The following CSPP1 variants were observed in gnomAD, a reference collection of about 807,000 sequenced individuals.
CSPP1 encodes centrosome and spindle pole-associated protein 1.
In CSPP1, 126 loss-of-function variants were observed where a neutral mutation model predicts 164.4. The observed-to-expected ratio is 0.77, with a 90% CI of 0.66 to 0.89. CSPP1 has a LOEUF of 0.89. Ranked by LOEUF, CSPP1 falls within the 40% of genes least tolerant of loss-of-function variation. The probability of loss-of-function intolerance (pLI) is 0.00; values close to 1 mark genes in which losing one functional copy is unlikely to be tolerated. For synonymous variants in CSPP1, 472 were observed against 476.7 expected (o/e 0.99, Z 0.13); for missense variants, 1,395 against 1,449.8 (o/e 0.96, Z 0.61).
chr8:67,140,274 G>T (rs373753368), intron 17 of CSPP1, among the ~76,000 whole-genome samples: 19 of 152,028 alleles, frequency 1.2e-4, no homozygotes, highest in African/African-American at 4.3e-4. Flanking sequence ...TATTAGAGAC[G>T]GGGTTTCACC....
At chr8:67,110,413 CAA>C (rs1816613255) in intron 9 of CSPP1, among the ~76,000 whole-genome samples, 1 of 151,998 alleles carries the variant, frequency 6.6e-6, no homozygotes, top group East Asian at 1.9e-4. Context: ...GAGAGACCAC[CAA>C]GAACATAGCT....
intron 29 of CSPP1, among the ~76,000 whole-genome samples, chr8:67,191,911 AGT>A (rs1836359788): frequency 1.3e-5 from 2 of 152,146 alleles, no homozygotes; most frequent in South Asian, 2.1e-4. Context: ...GCCATCACTT[AGT>A]GTCTTTTGAT....
chr8:67,154,833 G>A (rs1826374766), intron 19 of CSPP1, among the ~76,000 whole-genome samples: 1 of 152,134 alleles, frequency 6.6e-6, no homozygotes, highest in Admixed American at 6.5e-5. Context: ...AGAATGCTGA[G>A]ATTTTAAAAA....
chr8:67,082,705 A>G (rs554385130), intron 3 of CSPP1, among the ~76,000 whole-genome samples: 3 of 152,324 alleles, frequency 2.0e-5, no homozygotes, highest in African/African-American at 7.2e-5. Context: ...ATTATGAAGA[A>G]GTTATATACT....
intron 24 of CSPP1, among the ~76,000 whole-genome samples, chr8:67,167,704 G>A (rs1184315349): frequency 6.6e-6 from 1 of 151,136 alleles, no homozygotes; most frequent in East Asian, 2.0e-4. Context: ...AGATGGGGTG[G>A]CGGGGCAGAG....
chr8:67,091,928 C>T, intron 5 of CSPP1, 45 bp downstream of exon 5: 1 of 723,082 alleles, frequency 1.4e-6, no homozygotes, highest in Non-Finnish European at 2.1e-6. Flanking sequence ...TTTTCCGAGG[C>T]ATCAAAATCA....
chr8:67,189,893 T>C (rs1369360711), intron 28 of CSPP1, among the ~76,000 whole-genome samples: 1 of 152,202 alleles, frequency 6.6e-6, no homozygotes, highest in African/African-American at 2.4e-5. Context: ...TGTAGGCTAT[T>C]TGTCCATGTC....
chr8:67,140,862 TTTG>T (rs1002174657), intron 17 of CSPP1, among the ~76,000 whole-genome samples: 1 of 152,152 alleles, frequency 6.6e-6, no homozygotes, highest in Non-Finnish European at 1.5e-5. Flanking sequence ...AATTGAGGAT[TTTG>T]TTGGGGCCTG....
intron 29 of CSPP1, among the ~76,000 whole-genome samples, chr8:67,191,685 T>A (rs931124843): frequency 6.6e-6 from 1 of 152,252 alleles, no homozygotes; most frequent in African/African-American, 2.4e-5. Flanking sequence ...ATATTTGGGT[T>A]GTTTTCACTT....
intron 15 of CSPP1, among the ~76,000 whole-genome samples, chr8:67,125,585 A>G (rs894178513): frequency 4.6e-5 from 7 of 152,058 alleles, no homozygotes; most frequent in East Asian, 1.9e-4. Flanking sequence ...GGTACACATT[A>G]TGGTGTTTCA....
chr8:67,155,783 A>G (rs1453715093), intron 19 of CSPP1, among the ~76,000 whole-genome samples: 1 of 152,166 alleles, frequency 6.6e-6, no homozygotes, highest in Non-Finnish European at 1.5e-5. Flanking sequence ...TGAAAAAAGG[A>G]TGATTGATGT....
At chr8:67,177,789 G>A in intron 27 of CSPP1, 63 bp downstream of exon 27, 3 of 1,105,836 alleles carry the variant, frequency 2.7e-6, no homozygotes, top group Non-Finnish European at 4.2e-6. Context: ...TTAGGCATAT[G>A]ATGATCAAGT....
intron 1 of CSPP1, among the ~76,000 whole-genome samples, chr8:67,066,986 C>T (rs1372519527): frequency 4.6e-5 from 7 of 152,164 alleles, no homozygotes; most frequent in Non-Finnish European, 1.0e-4. Context: ...AAACTCCTGA[C>T]CTCAAGCGAT....
At chr8:67,153,453 ATTAAG>A (rs1446496334) in intron 18 of CSPP1, among the ~76,000 whole-genome samples, 8 of 152,052 alleles carry the variant, frequency 5.3e-5, no homozygotes, top group African/African-American at 7.2e-5. Context: ...TTTATATCTC[ATTAAG>A]TTGAGAGTTT....
chr8:67,103,360 C>T (rs1021709755), intron 8 of CSPP1, among the ~76,000 whole-genome samples: 1 of 151,904 alleles, frequency 6.6e-6, no homozygotes, highest in Non-Finnish European at 1.5e-5. Context: ...ATAAAGTGTG[C>T]CAAGGTGTTC....
In CSPP1 at chr8:67,118,822, G is replaced by T. The variant is rs863225193; in HGVS notation, c.1697+1G>T. On this transcript the variant is annotated splice_donor_variant, in intron 15 of 30. Coordinates refer to ENST00000678616, the MANE Select transcript of CSPP1 (RefSeq NM_001382391.1). LOFTEE classifies it high-confidence loss of function. ...CCCACCAACTAGCACAACCTGTTGT[G>T]TAAGTTATTAGTTAAAAGAATAATT... is the stretch of plus-strand genomic sequence containing the variant. 2.5e-6 allele frequency: 4 copies of T among 1,599,816 alleles called. No individual in the cohort carries two copies. The highest frequency in any genetic ancestry group is 2.6e-6 in the Non-Finnish European group (3 of 1,167,520).
chr8:67,159,159 C>A, intron 21 of CSPP1, 22 bp downstream of exon 21: 1 of 1,586,450 alleles, frequency 6.3e-7, no homozygotes, highest in South Asian at 1.2e-5. Flanking sequence ...ACAAAAATGT[C>A]AATCAAACCC....
chr8:67,133,630 G>A (rs1219490501), intron 16 of CSPP1: 1 of 152,204 alleles, frequency 6.6e-6, no homozygotes, highest in African/African-American at 2.4e-5. Flanking sequence ...AGATTGGGTG[G>A]CTGTGGCAAT....
chr8:67,111,772 T>G (rs562511060), intron 9 of CSPP1, among the ~76,000 whole-genome samples, 200 bp from the exon 10 acceptor site: 2 of 152,302 alleles, frequency 1.3e-5, no homozygotes, highest in East Asian at 3.9e-4. Context: ...TACTGTATCT[T>G]GTGTTTGACG....
Sources: gnomAD v4.1 joint callset for allele counts (sites outside exome capture counted in the v4.1 genomes callset) on GRCh38, gnomAD v4.1.1 for gene constraint, MANE v1.5 for transcripts, NCBI Gene and HGNC (gene_info 2026-07-23, HGNC 2026-07-21) for gene names.